SERGEF: variants seen among roughly 807,000 people sequenced by gnomAD.
SERGEF encodes the protein secretion regulating guanine nucleotide exchange factor.
In SERGEF, 51 loss-of-function variants were observed where a neutral mutation model predicts 50.0. The observed-to-expected ratio is 1.02, with a 90% CI of 0.81 to 1.29. The LOEUF is 1.29. Among genes scored for constraint, SERGEF ranks in the 50% most tolerant of loss-of-function variants. The pLI, the probability that SERGEF is intolerant of heterozygous loss-of-function variation, is 0.00. For synonymous variants in SERGEF, 205 were observed against 212.4 expected, an observed-to-expected ratio of 0.97 and a Z score of 0.30; for missense variants, 521 against 557.0, an observed-to-expected ratio of 0.94 and a Z score of 0.65.
chr11:17,945,686 C>T (rs1168134401), intron 9 of SERGEF, among the ~76,000 whole-genome samples: 1 of 152,162 alleles, frequency 6.6e-6, no homozygotes, highest in Non-Finnish European at 1.5e-5. Context: ...TAAAACAAAA[C>T]AAATAAACCC....
At chr11:17,832,793 G>A (rs749015990) in intron 10 of SERGEF, among the ~76,000 whole-genome samples, 22 of 152,164 alleles carry the variant, frequency 1.4e-4, no homozygotes, top group Admixed American at 5.9e-4. Context: ...AGAGATTGGC[G>A]GTATTTTGTC....
At chr11:17,878,280 A>C in intron 9 of SERGEF, 36 bp from the exon 10 acceptor site, 2 of 1,478,990 alleles carry the variant, frequency 1.4e-6, no homozygotes, top group Non-Finnish European at 1.9e-6. Context: ...AAATGGATAG[A>C]TATTTCAGCC....
At chr11:17,898,944 A>G (rs1851695313) in intron 9 of SERGEF, among the ~76,000 whole-genome samples, 1 of 152,112 alleles carries the variant, frequency 6.6e-6, no homozygotes, top group African/African-American at 2.4e-5. Flanking sequence ...TCTCGGTGCT[A>G]TTCTCATGAT....
chr11:17,798,857 C>T (rs189311827), intron 10 of SERGEF, among the ~76,000 whole-genome samples: 15 of 152,318 alleles, frequency 9.8e-5, no homozygotes, highest in African/African-American at 3.6e-4. Context: ...TTTGGTCACA[C>T]TCTGTGGATG....
At chr11:17,904,038 T>C (rs1851795782) in intron 9 of SERGEF, among the ~76,000 whole-genome samples, 2 of 151,754 alleles carry the variant, frequency 1.3e-5, no homozygotes, top group Non-Finnish European at 2.9e-5. Flanking sequence ...AACAGAGGAG[T>C]AGGTATCTAG....
intron 10 of SERGEF, among the ~76,000 whole-genome samples, chr11:17,790,474 CACTT>C (rs933459945): frequency 1.3e-5 from 2 of 152,042 alleles, no homozygotes; most frequent in African/African-American, 4.8e-5. Context: ...AATCATATTT[CACTT>C]ACCCATGTCC....
intron 8 of SERGEF, among the ~76,000 whole-genome samples, chr11:17,983,541 G>T (rs1246024730): frequency 6.6e-6 from 1 of 152,148 alleles, no homozygotes; most frequent in Non-Finnish European, 1.5e-5. Context: ...CTCATATCAG[G>T]TCAGCAGTTA....
rs576205024 is a variant in SERGEF, at chr11:17,821,848, T to C, written c.1049-33435A>G. On this transcript the variant is annotated intron_variant, in intron 10 of 10. Coordinates refer to ENST00000265965, the MANE Select transcript of SERGEF (RefSeq NM_012139.4). ...GCAAGAGAGTAATGTGATTTACTGC[T>C]TCTAAGTCCTCAGCATCCACAACAT... 4.6e-5 allele frequency among the ~76,000 whole-genome samples: 7 copies of C among 152,332 alleles called. 1 individual carries two copies. The highest frequency in any genetic ancestry group is 4.6e-4 in the Admixed American group (7 of 15,310).
intron 10 of SERGEF, among the ~76,000 whole-genome samples, chr11:17,849,000 C>T (rs893276087): frequency 9.2e-5 from 14 of 152,174 alleles, no homozygotes; most frequent in African/African-American, 3.4e-4. Flanking sequence ...TTCTTCTGAC[C>T]ACATTGCTTT....
chr11:17,897,534 A>G (rs2133917433), intron 9 of SERGEF, among the ~76,000 whole-genome samples: 1 of 152,354 alleles, frequency 6.6e-6, no homozygotes, highest in East Asian at 1.9e-4. Context: ...ATATAATGGA[A>G]TACCACTAAT....
intron 9 of SERGEF, among the ~76,000 whole-genome samples, chr11:17,902,498 A>T (rs868605185): frequency 6.6e-5 from 10 of 152,308 alleles, no homozygotes; most frequent in Middle Eastern, 6.8e-3. Flanking sequence ...AACTGACTGG[A>T]GCACTCTCAT....
chr11:17,807,271 G>A (rs1430845454), intron 10 of SERGEF, among the ~76,000 whole-genome samples: 1 of 152,112 alleles, frequency 6.6e-6, no homozygotes, highest in East Asian at 1.9e-4. Flanking sequence ...CTTTATCCCT[G>A]ATGAGCTGCC....
At position 17,861,043 on chromosome 11, in the gene SERGEF, T is replaced by C. The variant is rs1850918073; in HGVS notation, c.1048+17165A>G. On this transcript the variant is annotated intron_variant, in intron 10 of 10. Coordinates refer to ENST00000265965, the MANE Select transcript of SERGEF (RefSeq NM_012139.4). ...CAGTGAGGGAAAGGGCCATTTCCTA[T>C]GTCCTCTCACTTCATCCACAAGGCT... Among the ~76,000 whole-genome samples, 6 of 152,200 alleles carry C rather than the reference T, an allele frequency of 3.9e-5. No individual in the cohort carries two copies. In the South Asian group the frequency reaches 1.0e-3, roughly 26 times the overall value.
At chr11:17,957,817 T>A (rs1307669570) in intron 9 of SERGEF, among the ~76,000 whole-genome samples, 1 of 151,726 alleles carries the variant, frequency 6.6e-6, no homozygotes, top group Non-Finnish European at 1.5e-5. Context: ...TCTAATCATG[T>A]AATGTTTACT....
At chr11:17,980,952 CAG>C (rs914248352) in intron 8 of SERGEF, among the ~76,000 whole-genome samples, 3 of 152,118 alleles carry the variant, frequency 2.0e-5, no homozygotes, top group African/African-American at 7.2e-5. Context: ...AGAAAGGGAC[CAG>C]AGAGTTTAGT....
At chr11:17,814,996 C>T (rs1283818365) in intron 10 of SERGEF, among the ~76,000 whole-genome samples, 1 of 152,056 alleles carries the variant, frequency 6.6e-6, no homozygotes, top group Non-Finnish European at 1.5e-5. Context: ...GCCTGGACTA[C>T]GCAGCAAGAC....
At chr11:17,796,650 T>C (rs1849576249) in intron 10 of SERGEF, among the ~76,000 whole-genome samples, 1 of 152,220 alleles carries the variant, frequency 6.6e-6, no homozygotes. Flanking sequence ...CTTTTCTTTA[T>C]AAATTACCCA....
intron 8 of SERGEF, among the ~76,000 whole-genome samples, chr11:17,963,364 T>C (rs1190297565): frequency 4.0e-5 from 2 of 49,882 alleles, no homozygotes; most frequent in African/African-American, 7.7e-5. Context: ...TTACTATTAG[T>C]AAAAAAAAAA....
At chr11:17,820,231 C>A (rs1393237912) in intron 10 of SERGEF, among the ~76,000 whole-genome samples, 1 of 151,952 alleles carries the variant, frequency 6.6e-6, no homozygotes, top group African/African-American at 2.4e-5. Context: ...TCATTGTCAC[C>A]CCCATCCCCA....
Sources: gnomAD v4.1 joint callset for allele counts (sites outside exome capture counted in the v4.1 genomes callset) on GRCh38, gnomAD v4.1.1 for gene constraint, MANE v1.5 for transcripts, NCBI Gene and HGNC (gene_info 2026-07-23, HGNC 2026-07-21) for gene names.